AMBRA1: variants seen among roughly 807,000 people sequenced by gnomAD.
AMBRA1 encodes autophagy and beclin 1 regulator 1.
AMBRA1 carries 47 observed loss-of-function variants against 125.4 expected under a neutral mutation model. The observed-to-expected ratio is 0.37, with a 90% confidence interval of 0.30 to 0.48. The LOEUF (loss-of-function observed/expected upper bound fraction) is 0.48, where lower values mean the gene tolerates loss of function less well. AMBRA1 is among the 20% of genes least tolerant of loss of function. AMBRA1 has a pLI of 0.99. For missense variants in AMBRA1, 1,331 were observed against 1,693.4 expected (o/e 0.79, Z 3.76); for synonymous variants, 626 against 655.5 (o/e 0.95, Z 0.69).
intron 11 of AMBRA1, among the ~76,000 whole-genome samples, chr11:46,457,082 A>C (rs1406614277): frequency 6.6e-6 from 1 of 152,248 alleles, no homozygotes; most frequent in Non-Finnish European, 1.5e-5. Context: ...AGCTCCTGTC[A>C]AATCAGCACC....
At chr11:46,546,870 A>T (rs1280707236) in intron 4 of AMBRA1, among the ~76,000 whole-genome samples, 1 of 152,212 alleles carries the variant, frequency 6.6e-6, no homozygotes, top group Non-Finnish European at 1.5e-5. Flanking sequence ...CAGGAGTTCA[A>T]GATCAGCCTG....
chr11:46,466,305 C>A (rs1949320362), intron 11 of AMBRA1, among the ~76,000 whole-genome samples: 2 of 151,806 alleles, frequency 1.3e-5, no homozygotes. Flanking sequence ...CGAGATCGTG[C>A]CACTGCACTC....
Position 46,397,609 on chromosome 11 carries a change from T to G in AMBRA1, c.3738A>C (p.Pro1246=). The G allele has an allele frequency of 6.2e-7, 1 of 1,609,324 alleles. No individual in the cohort carries two copies. Among genetic ancestry groups the G allele is most frequent in the Non-Finnish European group, 8.5e-7 (1 of 1,177,122 alleles). ...GGACAGGGGAGGAAGAGGGCAGGGT[T>G]GGCTGGGTTGGCTCCCGCCCAGGGG... is the stretch of plus-strand genomic sequence containing the variant. The part of the protein sequence containing the change: ...PGTPGREPTQ[P]TLPSSSPVPI... Residue 1246 remains proline, a synonymous_variant, in exon 18 of 18, where the codon CCA becomes CCC. Transcript: ENST00000683756.
At chr11:46,547,793 A>C (rs1209990379) in intron 3 of AMBRA1, 24 bp downstream of exon 3, 2 of 1,599,390 alleles carry the variant, frequency 1.3e-6, no homozygotes, top group East Asian at 4.5e-5. Context: ...CACAAATCTT[A>C]AGTTATAGAT....
intron 1 of AMBRA1, among the ~76,000 whole-genome samples, chr11:46,569,436 A>AT (rs1185545375): frequency 2.0e-4 from 27 of 132,492 alleles, no homozygotes; most frequent in South Asian, 1.5e-3. Context: ...ATTAAAAAAA[A>AT]AAAAATATAT....
intron 1 of AMBRA1, among the ~76,000 whole-genome samples, chr11:46,565,071 C>T (rs2043473308): frequency 6.6e-6 from 1 of 152,042 alleles, no homozygotes; most frequent in African/African-American, 2.4e-5. Context: ...GCCTGGGCAT[C>T]ATGGCAAAAC....
intron 7 of AMBRA1, among the ~76,000 whole-genome samples, chr11:46,514,377 T>C (rs1023009613): frequency 8.5e-5 from 13 of 152,168 alleles, no homozygotes; most frequent in African/African-American, 3.1e-4. Flanking sequence ...ATGTTTTCTC[T>C]CTAGACAAGG....
chr11:46,493,755 A>G, intron 10 of AMBRA1, 47 bp from the exon 11 acceptor site: 1 of 1,449,152 alleles, frequency 6.9e-7, no homozygotes. Context: ...GACTACCACG[A>G]AACAGATACT....
intron 11 of AMBRA1, among the ~76,000 whole-genome samples, chr11:46,491,735 TTC>T (rs1950471905): frequency 6.6e-6 from 1 of 152,224 alleles, no homozygotes; most frequent in South Asian, 2.1e-4. Flanking sequence ...TTGATAGATT[TTC>T]TCAGATTTCA....
At chr11:46,531,805 C>T (rs1396273623) in intron 7 of AMBRA1, among the ~76,000 whole-genome samples, 3 of 151,728 alleles carry the variant, frequency 2.0e-5, no homozygotes, top group East Asian at 2.0e-4. Context: ...CCCCCAATGA[C>T]GAATACATTC....
intron 1 of AMBRA1, among the ~76,000 whole-genome samples, chr11:46,565,130 G>A (rs553794623): frequency 3.3e-5 from 5 of 151,672 alleles, no homozygotes; most frequent in South Asian, 2.1e-4. Flanking sequence ...GGTGGCATTC[G>A]CCTGTAGTTC....
chr11:46,561,715 G>A (rs190311755), intron 1 of AMBRA1, among the ~76,000 whole-genome samples: 47 of 152,220 alleles, frequency 3.1e-4, no homozygotes, highest in Non-Finnish European at 6.0e-4. Context: ...TTTCCCTCGA[G>A]GCTTCAAGAA....
intron 7 of AMBRA1, among the ~76,000 whole-genome samples, chr11:46,516,731 C>A (rs1006649700): frequency 5.3e-5 from 8 of 152,080 alleles, no homozygotes; most frequent in Admixed American, 3.9e-4. Flanking sequence ...CTGCGCCCGG[C>A]CAAAAGATCT....
At chr11:46,540,578 G>C (rs954134505) in intron 7 of AMBRA1, among the ~76,000 whole-genome samples, 11 of 152,020 alleles carry the variant, frequency 7.2e-5, no homozygotes, top group African/African-American at 2.4e-5. Flanking sequence ...CCTACCCAGG[G>C]CCCTTAGTAA....
intron 11 of AMBRA1, among the ~76,000 whole-genome samples, chr11:46,486,039 A>T (rs1950258181): frequency 6.6e-6 from 1 of 152,214 alleles, no homozygotes; most frequent in Non-Finnish European, 1.5e-5. Context: ...TCTGTTTCCC[A>T]GGCAACAAAG....
Position 46,544,951 on chromosome 11 carries a change from C to T in AMBRA1, c.551+653G>A, listed in dbSNP as rs147711241. Among the ~76,000 whole-genome samples, 270 of 151,792 alleles carry T rather than the reference C, an allele frequency of 1.8e-3. 6 individuals are homozygous for T. The East Asian group carries it at 0.042, about 24-fold the overall frequency. On this transcript the variant is annotated intron_variant, in intron 5 of 17. Transcript: ENST00000683756. The stretch of plus-strand genomic sequence containing the variant: ...GGGTAACACAGTGAGGCCCCGCCCC[C>T]CAAATCTCTACGAAAAAATTTAAAA...
chr11:46,467,683 A>G (rs1025675765), intron 11 of AMBRA1, among the ~76,000 whole-genome samples: 2 of 151,454 alleles, frequency 1.3e-5, no homozygotes, highest in Non-Finnish European at 2.9e-5. Context: ...CGAGTAGCAC[A>G]CCACCATACC....
chr11:46,550,945 A>T (rs961618158), intron 1 of AMBRA1, among the ~76,000 whole-genome samples: 6 of 151,338 alleles, frequency 4.0e-5, no homozygotes, highest in African/African-American at 4.9e-5. Context: ...AAAAAAAAAA[A>T]AAATAGCCAG....
At chr11:46,507,438 C>CGCT (rs1951088258) in intron 9 of AMBRA1, among the ~76,000 whole-genome samples, 1 of 149,208 alleles carries the variant, frequency 6.7e-6, no homozygotes, top group Non-Finnish European at 1.5e-5. Flanking sequence ...GAGATAGCGC[C>CGCT]ACTGCACTCC....
Sources: gnomAD v4.1 joint callset for allele counts (sites outside exome capture counted in the v4.1 genomes callset) on GRCh38, gnomAD v4.1.1 for gene constraint, MANE v1.5 for transcripts, NCBI Gene and HGNC (gene_info 2026-07-23, HGNC 2026-07-21) for gene names.